LTF: variants seen among roughly 807,000 people sequenced by gnomAD.
The protein encoded by LTF is lactotransferrin.
LTF carries 91 observed loss-of-function variants against 87.2 expected under a neutral mutation model. The ratio of observed to expected loss-of-function variants is 1.04; its 90% CI spans 0.88 to 1.24. LTF has a LOEUF of 1.24. LTF is among the 50% of genes most tolerant of loss of function. The probability of loss-of-function intolerance (pLI) is 0.00; values close to 1 mark genes in which losing one functional copy is unlikely to be tolerated. For synonymous variants in LTF, 378 were observed against 356.1 expected (o/e 1.06, Z -0.69); for missense variants, 901 against 904.3 (o/e 1.00, Z 0.05).
chr3:46,482,697 AAGGAAG>A lies in LTF; in HGVS notation c.-320+2283_-320+2288del, dbSNP rs1169665933. Reference sequence around the variant, plus strand: ...GAAGGAAGGAAGGAAGGAAGGAAGGAAGGAAGGAAAGAAAGAAAGAGAAAGAAAGGA... The same window carrying A: ...GAAGGAAGGAAGGAAGGAAGGAAGGAGAAAGAAAGAAAGAGAAAGAAAGGA... On this transcript the variant is annotated intron_variant, in intron 1 of 19. Transcript: ENST00000443496. 4.8e-4 allele frequency among the ~76,000 whole-genome samples: 61 copies of A among 127,018 alleles called. 4 individuals carry two copies. Among genetic ancestry groups the A allele is most frequent in the African/African-American group, 1.4e-3 (45 of 32,182 alleles). 83.3% of individuals were successfully genotyped at this position (127,018 alleles called of 152,430 possible).
intron 1 of LTF, among the ~76,000 whole-genome samples, chr3:46,478,523 C>T (rs996349829): frequency 1.3e-5 from 2 of 152,188 alleles, no homozygotes; most frequent in African/African-American, 4.8e-5. Context: ...GCCAGGTCCA[C>T]CCCGCTCTTA....
rs940542284 is a variant in LTF at position 46,449,392 on chromosome 3, C to T, written c.1058-375G>A. Among the ~76,000 whole-genome samples the T allele has an allele frequency of 1.3e-4, 20 of 152,300 alleles. 1 individual carries two copies. Among genetic ancestry groups the T allele is most frequent in the African/African-American group, 3.4e-4 (14 of 41,566 alleles). On this transcript the variant is annotated intron_variant, in intron 8 of 16. Transcript: ENST00000231751. ...TGAGCCCAACCCTGACTTCCCCTAACGCCTGCAATCACCACCAATAACTAC... is the reference window on the plus strand; with the variant it reads ...TGAGCCCAACCCTGACTTCCCCTAATGCCTGCAATCACCACCAATAACTAC...
rs1174622957 is a variant in LTF at position 46,482,769 on chromosome 3, GAAAGAAAGAA to G, written c.-320+2207_-320+2216del. Among the ~76,000 whole-genome samples, 7 of 126,992 alleles carry G rather than the reference GAAAGAAAGAA, an allele frequency of 5.5e-5. No homozygotes were observed. The East Asian group carries it at 7.4e-4, about 13-fold the overall frequency. 83.3% of individuals were successfully genotyped at this position (126,992 alleles called of 152,430 possible). A position where few individuals can be genotyped will look rare whatever the true frequency, so the allele number is the denominator to read the frequency against. On this transcript the variant is annotated intron_variant, in intron 1 of 19. Transcript: ENST00000443496. ...AAGGAAAGAAGGAAAGAGAAAGAAAGAAAGAAAGAAAAAGAAAGAAAGAAAGAAGGAAGGA... is the reference window on the plus strand; with the variant it reads ...AAGGAAAGAAGGAAAGAGAAAGAAAGAAAGAAAGAAAGAAAGAAGGAAGGA...
chr3:46,447,289 G>T lies in LTF; in HGVS notation c.1303+19C>A, dbSNP rs765125970. The T allele has an allele frequency of 6.9e-6, 11 of 1,601,404 alleles. No individual in the cohort carries two copies. In the African/African-American group the frequency reaches 1.1e-4, roughly 16 times the overall value. On this transcript the variant is annotated intron_variant, in intron 10 of 16. Coordinates refer to ENST00000231751, the MANE Select transcript of LTF (RefSeq NM_002343.6). ...CATGACCCAGAGGGAATATACCAGA[G>T]GATGCTAACTCCACTTACTGTAGTT...
upstream of LTF, chr3:46,468,228 G>C: frequency 4.4e-6 from 2 of 456,782 alleles, no homozygotes; most frequent in South Asian, 3.1e-5. Context: ...GCCAAAGCCT[G>C]TGTACATGGA....
chr3:46,457,411 C>A (rs1702963980), intron 2 of LTF, among the ~76,000 whole-genome samples: 1 of 152,118 alleles, frequency 6.6e-6, no homozygotes, highest in Non-Finnish European at 1.5e-5. Flanking sequence ...TATCTTTGTC[C>A]TCAGTGTTTT....
intron 13 of LTF, 151 bp from the exon 14 acceptor site, chr3:46,441,634 G>A: frequency 1.6e-6 from 1 of 626,114 alleles, no homozygotes; most frequent in Non-Finnish European, 2.8e-6. Flanking sequence ...TACAGCGGCA[G>A]ATTGAACACA....
chr3:46,441,629 C>A (rs964125041), intron 13 of LTF, 146 bp from the exon 14 acceptor site: 6 of 637,716 alleles, frequency 9.4e-6, no homozygotes, highest in Non-Finnish European at 1.7e-5. Context: ...CTGTTTACAG[C>A]GGCAGATTGA....
At chr3:46,467,644 CTTTTT>C (rs5848801), upstream of LTF, among the ~76,000 whole-genome samples, 37 of 123,034 alleles carry the variant, frequency 3.0e-4, no homozygotes, top group African/African-American at 9.9e-4. Flanking sequence ...CTTTTCTTTT[CTTTTT>C]TTTTTTTTTT....
chr3:46,445,566 G>T (rs893375354), intron 11 of LTF, 130 bp from the exon 12 acceptor site: 10 of 712,670 alleles, frequency 1.4e-5, no homozygotes, highest in Middle Eastern at 3.0e-4. Flanking sequence ...TTCCCTCAAA[G>T]AACTGGCCTT....
At chr3:46,482,712 GAA>G (rs56705201) in intron 1 of LTF, among the ~76,000 whole-genome samples, 1 of 104,474 alleles carries the variant, frequency 9.6e-6, no homozygotes, top group Non-Finnish European at 1.9e-5. Flanking sequence ...AGGAAAGAAA[GAA>G]AGAGAAAGAA....
At chr3:46,484,375 C>T (rs1280725731) in intron 1 of LTF, among the ~76,000 whole-genome samples, 1 of 152,154 alleles carries the variant, frequency 6.6e-6, no homozygotes, top group Non-Finnish European at 1.5e-5. Flanking sequence ...TGATCCTCAG[C>T]CATCTCCGTG....
At chr3:46,445,652 C>T (rs932242578) in intron 11 of LTF, among the ~76,000 whole-genome samples, 2 of 152,202 alleles carry the variant, frequency 1.3e-5, no homozygotes, top group African/African-American at 4.8e-5. Flanking sequence ...GTAAGAAAAG[C>T]TGATTATTTT....
chr3:46,483,833 G>T (rs1388832923), intron 1 of LTF, among the ~76,000 whole-genome samples: 1 of 151,978 alleles, frequency 6.6e-6, no homozygotes, highest in Admixed American at 6.5e-5. Flanking sequence ...CGGAGACAGG[G>T]ATCTTGCTAT....
chr3:46,440,307 C>G (rs1309839226), intron 14 of LTF, among the ~76,000 whole-genome samples: 1 of 152,156 alleles, frequency 6.6e-6, no homozygotes, highest in African/African-American at 2.4e-5. Flanking sequence ...TTTCTCCTCC[C>G]TTTCATATTC....
At chr3:46,440,860 G>GGA (rs1406199539) in intron 14 of LTF, among the ~76,000 whole-genome samples, 2 of 152,188 alleles carry the variant, frequency 1.3e-5, no homozygotes, top group Non-Finnish European at 2.9e-5. Flanking sequence ...CTGAGGACCA[G>GGA]GAGAGAGAGT....
chr3:46,465,054 C>T (rs1231788084), upstream of LTF: 4 of 633,140 alleles, frequency 6.3e-6, no homozygotes, highest in Admixed American at 9.1e-5. Flanking sequence ...CAGGACAGGA[C>T]TCCACACCGC....
chr3:46,456,478 T>G, intron 2 of LTF, 80 bp from the exon 3 acceptor site: 4 of 1,133,802 alleles, frequency 3.5e-6, no homozygotes, highest in Non-Finnish European at 5.3e-6. Flanking sequence ...CCTCAAAAAG[T>G]CTCCATGGCT....
chr3:46,441,769 A>T, intron 13 of LTF: 2 of 325,854 alleles, frequency 6.1e-6, no homozygotes, highest in Non-Finnish European at 1.1e-5. Flanking sequence ...CACCAAAATA[A>T]TGGTCAACAG....
Sources: allele counts gnomAD v4.1 joint callset (sites outside exome capture counted in the v4.1 genomes callset), GRCh38; gene constraint gnomAD v4.1.1; transcripts MANE v1.5; gene names NCBI Gene and HGNC (gene_info 2026-07-23, HGNC 2026-07-21).